Variants in CEP170B observed in about 807,000 individuals in gnomAD.
CEP170B encodes the protein centrosomal protein of 170 kDa protein B.
CEP170B carries 55 observed loss-of-function variants against 120.6 expected under a neutral mutation model. The ratio of observed to expected loss-of-function variants is 0.46; its 90% CI spans 0.37 to 0.57. CEP170B has a LOEUF of 0.57. Ranked by LOEUF, CEP170B falls within the 20% of genes least tolerant of loss-of-function variation. The probability of loss-of-function intolerance (pLI) is 0.00; values close to 1 mark genes in which losing one functional copy is unlikely to be tolerated. For synonymous variants in CEP170B, 1,033 were observed against 954.5 expected, an observed-to-expected ratio of 1.08 and a Z score of -1.52; for missense variants, 2,212 against 2,253.3, an observed-to-expected ratio of 0.98 and a Z score of 0.37.
chr14:104,890,210 G>A (rs1189743165), intron 13 of CEP170B, among the ~76,000 whole-genome samples: 28 of 89,832 alleles, frequency 3.1e-4, no homozygotes, highest in African/African-American at 8.3e-4. Flanking sequence ...GGGTGGGTGG[G>A]TGGATGGATG....
Position 104,886,296 on chromosome 14 carries a change from G to T in CEP170B, c.2057G>T (p.Gly686Val), listed in dbSNP as rs1481589434. The T allele has an allele frequency of 2.0e-6, 3 of 1,536,286 alleles. No homozygotes were observed. Among genetic ancestry groups the T allele is most frequent in the Non-Finnish European group, 2.6e-6 (3 of 1,146,146 alleles). The change falls in exon 12 of 19, where the codon GGC becomes GTC. Residue 686 changes from glycine to valine, a missense_variant. Transcript: ENST00000414716. ...GLTEDGLGRR[G>V]GEPEGSLPVR... Reference sequence around the variant, plus strand: ...ACAGAGGATGGCCTGGGACGTAGAGGCGGGGAGCCGGAGGGGTCCCTGCCT... The same window carrying T: ...ACAGAGGATGGCCTGGGACGTAGAGTCGGGGAGCCGGAGGGGTCCCTGCCT...
intron 13 of CEP170B, among the ~76,000 whole-genome samples, chr14:104,890,273 AATGG>A (rs1566872979): frequency 2.2e-5 from 1 of 45,418 alleles, no homozygotes; most frequent in Non-Finnish European, 4.2e-5. Context: ...TGGATGGATG[AATGG>A]ATGAGTGAGT....
At chr14:104,892,922 C>T (rs1481276308) in intron 13 of CEP170B, 54 bp from the exon 14 acceptor site, 1 of 1,542,134 alleles carries the variant, frequency 6.5e-7, no homozygotes, top group South Asian at 1.2e-5. Context: ...TGTCTGGCCC[C>T]TGCTGCCCCG....
Position 104,886,615 on chromosome 14 carries a change from A to G in CEP170B, c.2376A>G (p.Pro792=), listed in dbSNP as rs1566867363. The change falls in exon 12 of 19, where the codon CCA becomes CCG. Residue 792 remains proline (P), a synonymous_variant. Transcript: ENST00000414716. ...GCTCACCAAGGGCCCCCGGGGAGCC[A>G]ACTCCCGCCTCTTTCTTCATTGGGG... ...GRRSPRAPGE[P]TPASFFIGDQ... 6.6e-7 allele frequency: 1 copy of G among 1,520,466 alleles called. No homozygotes were observed. The highest frequency in any genetic ancestry group is 1.3e-5 in the South Asian group (1 of 75,408). The allele number at this position is 1,520,466 out of a possible 1,614,324, so 94.2% of individuals were successfully genotyped here.
chr14:104,872,698 G>A (rs1045778099), intron 2 of CEP170B, among the ~76,000 whole-genome samples: 2 of 152,180 alleles, frequency 1.3e-5, no homozygotes, highest in African/African-American at 4.8e-5. Flanking sequence ...CCCGTGCATC[G>A]AGCCGGTCTG....
chr14:104,885,546 C>A lies in CEP170B; in HGVS notation c.1944+4C>A, dbSNP rs1896435980. The stretch of plus-strand genomic sequence containing the variant: ...GGCCCCCCAGGCGGAGCACCAGGTA[C>A]AGGCACAGACGGCCACCCCAAGGAG... On this transcript the variant is annotated splice_donor_region_variant and intron_variant, in intron 10 of 18. Transcript: ENST00000414716. The A allele has an allele frequency of 6.4e-7, 1 of 1,554,408 alleles. No individual in the cohort carries two copies. The highest frequency in any genetic ancestry group is 8.6e-7 in the Non-Finnish European group (1 of 1,156,212).
rs368461395 is a variant in CEP170B at position 104,886,730 on chromosome 14, C to A, written c.2491C>A (p.Pro831Thr). The change falls in exon 12 of 19, where the codon CCA becomes ACA. Residue 831 changes from proline (P) to threonine (T), a missense_variant. Physicochemically the swap from Pro to Thr is conservative, Grantham distance 38. Transcript: ENST00000414716. ...AGGGCAGACAGCCCAGCCCAGCCCCCCAGCACGGGATGGCGTCTATGTCAG... is the reference window on the plus strand; with the variant it reads ...AGGGCAGACAGCCCAGCCCAGCCCCACAGCACGGGATGGCGTCTATGTCAG... Reference protein sequence around the residue: ...GLGQTAQPSPPARDGVYVSAN... With the variant: ...GLGQTAQPSPTARDGVYVSAN... 6.2e-7 allele frequency: 1 copy of A among 1,606,394 alleles called. No individual in the cohort carries two copies. The highest frequency in any genetic ancestry group is 1.7e-5 in the Admixed American group (1 of 59,606).
At position 104,887,462 on chromosome 14, in the gene CEP170B, C is replaced by T. The variant is rs565981186; in HGVS notation, c.3223C>T (p.Arg1075Trp). Residue 1075 changes from arginine to tryptophan, a missense_variant, in exon 12 of 19, where the codon CGG becomes TGG. Arg to Trp is a moderately radical substitution (Grantham distance 101). Coordinates refer to ENST00000414716, the MANE Select transcript of CEP170B (RefSeq NM_001112726.3). ...HETPEATGAG[R>W]LGSRRKPAAP... ...AACCCCTGAGGCCACCGGGGCAGGACGGCTAGGTTCTCGCCGGAAACCAGC... is the reference window on the plus strand; with the variant it reads ...AACCCCTGAGGCCACCGGGGCAGGATGGCTAGGTTCTCGCCGGAAACCAGC... The T allele has an allele frequency of 9.6e-5, 155 of 1,611,718 alleles. 1 individual carries two copies. In the East Asian group the frequency reaches 2.9e-3, roughly 30 times the overall value.
intron 13 of CEP170B, among the ~76,000 whole-genome samples, chr14:104,892,023 G>A (rs1260766065): frequency 6.6e-6 from 1 of 152,166 alleles, no homozygotes; most frequent in African/African-American, 2.4e-5. Context: ...GCTGGAGGTA[G>A]GGGTAGGGGG....
intron 6 of CEP170B, among the ~76,000 whole-genome samples, chr14:104,881,467 G>A (rs954491858): frequency 4.6e-5 from 7 of 152,212 alleles, no homozygotes; most frequent in Non-Finnish European, 7.3e-5. Flanking sequence ...TTGTACAGCC[G>A]CAGCTGCCGG....
chr14:104,866,551 A>AG (rs144147125), intron 1 of CEP170B, among the ~76,000 whole-genome samples: 4,597 of 152,212 alleles, frequency 0.03, 84 homozygotes, highest in South Asian at 0.064. Flanking sequence ...TGGCTTAGGA[A>AG]GGGCAGGGCC....
chr14:104,868,322 A>G lies in CEP170B; in HGVS notation c.-27-102A>G, dbSNP rs918623004. The G allele has an allele frequency of 1.8e-5, 14 of 799,542 alleles. No individual in the cohort carries two copies. Among genetic ancestry groups the G allele is most frequent in the Middle Eastern group, 3.7e-4 (1 of 2,680 alleles). The allele number at this position is 799,542 out of a possible 1,614,324, so 49.5% of individuals were successfully genotyped here. On this transcript the variant is annotated intron_variant, in intron 1 of 18. Transcript: ENST00000414716. This position sits in a 1 kb window ranked among gnomAD's most constrained non-coding sequence, Gnocchi z 5.9. ...GAGCCCAGCTTCTCCGGAAGCTGCC[A>G]GCTTCCCTTAGAGGGTCAGGATCTG...
rs747481597 is a variant in CEP170B, at chr14:104,880,431, C to G, written c.472+6C>G. 1 of 1,611,156 alleles carries G rather than the reference C, an allele frequency of 6.2e-7. No individual in the cohort carries two copies. The stretch of plus-strand genomic sequence containing the variant: ...GGACCGGAGACCAGGAACAGGTAGG[C>G]CCAGGCAGTGCGGATGGGGTGAGCA... On this transcript the variant is annotated splice_donor_region_variant and intron_variant, in intron 6 of 18. Transcript: ENST00000414716.
chr14:104,869,814 A>T (rs1171926420), intron 2 of CEP170B, among the ~76,000 whole-genome samples: 1 of 152,166 alleles, frequency 6.6e-6, no homozygotes, highest in Non-Finnish European at 1.5e-5. Flanking sequence ...CGGCGCCTAG[A>T]TCTCGGGCTT....
upstream of CEP170B, chr14:104,865,192 CGCGGCCGGGCGGGGGCGGG>C (rs1162668004): frequency 3.8e-5 from 4 of 104,832 alleles, no homozygotes; most frequent in South Asian, 3.0e-4. This position sits in a 1 kb window ranked among gnomAD's most constrained non-coding sequence, Gnocchi z 6.7. Context: ...CGGGGTGCGG[CGCGGCCGGGCGGGGGCGGG>C]GCGGGCGGGG....
At position 104,893,533 on chromosome 14, in the gene CEP170B, G is replaced by C; in HGVS notation, c.4049G>C (p.Arg1350Pro). The C allele has an allele frequency of 6.2e-7, 1 of 1,602,994 alleles. No individual in the cohort carries two copies. Among genetic ancestry groups the C allele is most frequent in the East Asian group, 2.2e-5 (1 of 44,452 alleles). Residue 1350 changes from arginine (R) to proline (P), a missense_variant, in exon 15 of 19, where the codon CGC becomes CCC. Physicochemically the swap from Arg to Pro is moderately radical, Grantham distance 103. This residue lies in a region of CEP170B where 2,166 missense variants were observed against 2,166.7 expected (regional missense o/e 1.00). Coordinates refer to ENST00000414716, the MANE Select transcript of CEP170B (RefSeq NM_001112726.3). Reference protein sequence around the residue: ...TISAREELVQRIPEASLNFQK... With the variant: ...TISAREELVQPIPEASLNFQK... ...CCCTCCCTCTTGCAGCTGGTGCAGC[G>C]CATCCCCGAGGCCAGCCTCAACTTC...
At chr14:104,890,901 A>G (rs1220368561) in intron 13 of CEP170B, among the ~76,000 whole-genome samples, 5 of 101,216 alleles carry the variant, frequency 4.9e-5, no homozygotes, top group African/African-American at 1.5e-4. Context: ...GGGTGGATGG[A>G]GGGATGGATG....
Position 104,883,495 on chromosome 14 carries a change from C to T in CEP170B, c.1038C>T (p.Thr346=). 1.9e-6 allele frequency: 3 copies of T among 1,545,998 alleles called. No homozygotes were observed. The highest frequency in any genetic ancestry group is 2.4e-5 in the South Asian group (2 of 83,640). Residue 346 remains threonine (T), a synonymous_variant, in exon 8 of 19, where the codon ACC becomes ACT. Transcript: ENST00000414716. ...HSTKSDLPVH[T]RTLKGHKHED... is the part of the protein sequence containing the mutation. Reference sequence around the variant, plus strand: ...CCAAGAGCGACCTGCCTGTCCACACCCGCACCCTGAAGGGTGAGTGCCCAG... The same window carrying T: ...CCAAGAGCGACCTGCCTGTCCACACTCGCACCCTGAAGGGTGAGTGCCCAG...
chr14:104,883,905 C>A lies in CEP170B; in HGVS notation c.1126C>A (p.Pro376Thr). The change falls in exon 9 of 19, where the codon CCC (proline) becomes ACC (threonine). Residue 376 changes from proline to threonine, a missense_variant. Pro to Thr is a conservative substitution (Grantham distance 38, BLOSUM62 -1). Around this residue, in one of 2 missense-constraint regions of CEP170B, gnomAD observed 2,166 missense variants for 2,166.7 expected, o/e 1.00. Transcript: ENST00000414716. ...LAKAASAAGV[P>T]LEASGEQVRL... ...CAAGGCGGCCTCGGCCGCTGGGGTG[C>A]CCTTGGAGGCCAGCGGGGAGCAGGT... 6.3e-7 allele frequency: 1 copy of A among 1,591,914 alleles called. No individual in the cohort carries two copies.
Sources: gnomAD v4.1 joint callset for allele counts (sites outside exome capture counted in the v4.1 genomes callset) on GRCh38, gnomAD v4.1.1 for gene constraint, gnomAD v4.1.1 regional missense constraint, Gnocchi (gnomAD v3.1) non-coding constraint, MANE v1.5 for transcripts, NCBI Gene and HGNC (gene_info 2026-07-23, HGNC 2026-07-21) for gene names.